The following CELF2 variants were observed in gnomAD, a reference collection of about 807,000 sequenced individuals.
CELF2 encodes CUGBP Elav-like family member 2.
Under a neutral mutation model 62.6 loss-of-function variants are expected in CELF2, and 8 were observed. That is an observed-to-expected ratio of 0.13 (90% CI 0.07 to 0.23). The LOEUF (loss-of-function observed/expected upper bound fraction) is 0.23. CELF2 is among the 10% of genes least tolerant of loss of function. The pLI, the probability that CELF2 is intolerant of heterozygous loss-of-function variation, is 1.00. For synonymous variants in CELF2, 258 were observed against 250.0 expected (o/e 1.03, Z -0.30); for missense variants, 333 against 671.0 (o/e 0.50, Z 5.56).
At chr10:10,878,273 CTT>C (rs2061236819) in intron 1 of CELF2, among the ~76,000 whole-genome samples, 1 of 152,208 alleles carries the variant, frequency 6.6e-6, no homozygotes, top group Non-Finnish European at 1.5e-5. Context: ...AAGGGCCACT[CTT>C]TCCTTTGCTT....
At chr10:11,053,944 C>G (rs1178989755) in intron 1 of CELF2, among the ~76,000 whole-genome samples, 1 of 152,000 alleles carries the variant, frequency 6.6e-6, no homozygotes, top group Non-Finnish European at 1.5e-5. Context: ...TTTGTCAGTT[C>G]TGTTTATCGT....
the CELF2 span, among the ~76,000 whole-genome samples, chr10:10,593,716 G>T: frequency 6.6e-6 from 1 of 152,146 alleles, no homozygotes; most frequent in South Asian, 2.1e-4. Context: ...ATTTTAAATG[G>T]ACCATCTAGG....
the CELF2 span, among the ~76,000 whole-genome samples, chr10:10,668,415 C>G: frequency 6.6e-6 from 1 of 152,164 alleles, no homozygotes; most frequent in South Asian, 2.1e-4. Context: ...CTTCATGGAC[C>G]CAGTTAGCTT....
the CELF2 span, among the ~76,000 whole-genome samples, chr10:10,607,938 C>A: frequency 6.6e-6 from 1 of 151,864 alleles, no homozygotes; most frequent in East Asian, 1.9e-4. Context: ...ACCAGCCTGA[C>A]CAACATGGTA....
intron 2 of CELF2, among the ~76,000 whole-genome samples, chr10:10,943,427 A>T (rs550738200): frequency 1.5e-4 from 23 of 152,314 alleles, no homozygotes; most frequent in South Asian, 8.3e-4. Context: ...GCAGAAACTC[A>T]TGTGCATATT....
chr10:10,627,206 C>T, the CELF2 span, among the ~76,000 whole-genome samples: 2 of 152,166 alleles, frequency 1.3e-5, no homozygotes, highest in African/African-American at 4.8e-5. Context: ...GTTTATATCT[C>T]AGACCCTCAA....
At chr10:10,534,030 A>C in the CELF2 span, among the ~76,000 whole-genome samples, 1 of 152,156 alleles carries the variant, frequency 6.6e-6, no homozygotes, top group Non-Finnish European at 1.5e-5. Flanking sequence ...GAAGAAAATT[A>C]AAACATTACC....
chr10:10,754,398 C>T, the CELF2 span, among the ~76,000 whole-genome samples: 7 of 152,160 alleles, frequency 4.6e-5, no homozygotes, highest in African/African-American at 1.2e-4. Context: ...GCAGTCCTCT[C>T]GCTTCAGCCT....
rs1173174491 is a variant in CELF2 at position 10,990,776 on chromosome 10, T to G, written c.89+70777T>G. ...AGCCAGGAAAGAGGATTCAATAAGA[T>G]GCTCAGAAATGTACCAACTGACATT... On this transcript the variant is annotated intron_variant, in intron 2 of 13. Transcript: ENST00000636488. The surrounding 1 kb of genome is among the most constrained non-coding windows in gnomAD (Gnocchi z 4.6). Among the ~76,000 whole-genome samples the G allele has an allele frequency of 1.3e-5, 2 of 152,218 alleles. No individual in the cohort carries two copies.
At chr10:10,692,268 C>A in the CELF2 span, among the ~76,000 whole-genome samples, 2 of 151,046 alleles carry the variant, frequency 1.3e-5, no homozygotes, top group Non-Finnish European at 3.0e-5. Flanking sequence ...AATAGGGAAT[C>A]CTTTCCCCAT....
chr10:10,939,898 G>T (rs1424403822), intron 2 of CELF2, among the ~76,000 whole-genome samples: 19 of 152,108 alleles, frequency 1.2e-4, no homozygotes, highest in Non-Finnish European at 2.8e-4. Context: ...AGCTTGCAGT[G>T]AGCCGAGACC....
At chr10:10,942,133 TG>T (rs1295629025) in intron 2 of CELF2, among the ~76,000 whole-genome samples, 1 of 152,190 alleles carries the variant, frequency 6.6e-6, no homozygotes, top group African/African-American at 2.4e-5. Context: ...TTGTCTTGGA[TG>T]TGATTCTTTT....
At chr10:11,219,664 C>T (rs935563477) in intron 3 of CELF2, among the ~76,000 whole-genome samples, 1 of 152,176 alleles carries the variant, frequency 6.6e-6, no homozygotes, top group Non-Finnish European at 1.5e-5. Context: ...TGTACAGCTT[C>T]GTCCAGTACA....
the CELF2 span, among the ~76,000 whole-genome samples, chr10:10,582,851 A>G: frequency 6.6e-6 from 1 of 152,190 alleles, no homozygotes; most frequent in Non-Finnish European, 1.5e-5. Flanking sequence ...GTAAAATCTC[A>G]AATTTGCATT....
At chr10:10,614,962 C>T in the CELF2 span, among the ~76,000 whole-genome samples, 38 of 152,094 alleles carry the variant, frequency 2.5e-4, no homozygotes, top group African/African-American at 7.0e-4. Context: ...TGGGAATCGA[C>T]GAAGAGGCAA....
chr10:11,231,257 T>C (rs552821008), intron 3 of CELF2, among the ~76,000 whole-genome samples: 98 of 152,338 alleles, frequency 6.4e-4, no homozygotes, highest in African/African-American at 2.2e-3. Flanking sequence ...ACATCCTGGA[T>C]TGTAGTCTGT....
chr10:10,571,527 A>C, the CELF2 span, among the ~76,000 whole-genome samples: 3 of 148,838 alleles, frequency 2.0e-5, no homozygotes, highest in East Asian at 6.6e-4. Flanking sequence ...GAGAAAGTCA[A>C]GTTTGGTGAC....
At chr10:10,564,474 T>TCTTCAC in the CELF2 span, among the ~76,000 whole-genome samples, 1 of 152,104 alleles carries the variant, frequency 6.6e-6, no homozygotes, top group African/African-American at 2.4e-5. Flanking sequence ...CCTGTGAAGA[T>TCTTCAC]ATGTTTTACA....
In CELF2 at chr10:11,214,617, T is replaced by C. The variant is rs2062806702; in HGVS notation, c.272-2808T>C. ...AGGCTTCCCTGCCAAACGCGGCGCCTGTGGAGCTGTGCTGGGGCTCAGCTC... is the reference window on the plus strand; with the variant it reads ...AGGCTTCCCTGCCAAACGCGGCGCCCGTGGAGCTGTGCTGGGGCTCAGCTC... On this transcript the variant is annotated intron_variant, in intron 2 of 12. Coordinates refer to ENST00000633077, the MANE Select transcript of CELF2 (RefSeq NM_001326342.2). The surrounding 1 kb of genome is among the most constrained non-coding windows in gnomAD (Gnocchi z 4.2). 6.6e-6 allele frequency among the ~76,000 whole-genome samples: 1 copy of C among 152,180 alleles called. No individual in the cohort carries two copies. The highest frequency in any genetic ancestry group is 2.4e-5 in the African/African-American group (1 of 41,448).
Sources: allele counts gnomAD v4.1 joint callset (sites outside exome capture counted in the v4.1 genomes callset), GRCh38; gene constraint gnomAD v4.1.1; non-coding constraint Gnocchi (gnomAD v3.1); transcripts MANE v1.5; gene names NCBI Gene and HGNC (gene_info 2026-07-23, HGNC 2026-07-21).